The following C16orf78 variants were observed in gnomAD, a reference collection of about 807,000 sequenced individuals.
The protein encoded by C16orf78 is chromosome 16 open reading frame 78.
In C16orf78, 19 loss-of-function variants were observed where a neutral mutation model predicts 27.3. The ratio of observed to expected loss-of-function variants is 0.70; its 90% CI spans 0.49 to 1.02. C16orf78 has a LOEUF of 1.02. Ranked by LOEUF, C16orf78 falls within the 50% of genes least tolerant of loss-of-function variation. The probability of loss-of-function intolerance (pLI) is 0.00; values close to 1 mark genes in which losing one functional copy is unlikely to be tolerated. For missense variants in C16orf78, 339 were observed against 337.0 expected (o/e 1.01, Z -0.05); for synonymous variants, 130 against 116.1 (o/e 1.12, Z -0.77).
intron 4 of C16orf78, among the ~76,000 whole-genome samples, chr16:49,397,110 C>A (rs188650678): frequency 6.6e-6 from 1 of 152,260 alleles, no homozygotes; most frequent in Admixed American, 6.5e-5. Flanking sequence ...TTTAGACTGT[C>A]AAAGGGATCA....
chr16:49,375,114 G>A (rs973365751), intron 1 of C16orf78, among the ~76,000 whole-genome samples: 1 of 152,180 alleles, frequency 6.6e-6, no homozygotes, highest in Admixed American at 6.5e-5. Flanking sequence ...TAAGGAAAGT[G>A]AAAATAAGTC....
At chr16:49,392,980 T>G (rs981606732) in intron 3 of C16orf78, among the ~76,000 whole-genome samples, 8 of 152,206 alleles carry the variant, frequency 5.3e-5, no homozygotes, top group African/African-American at 1.4e-4. Context: ...GTTTTGTAAA[T>G]GGGAGTTCCC....
chr16:49,385,739 T>C (rs1965342824), intron 3 of C16orf78, among the ~76,000 whole-genome samples: 1 of 147,440 alleles, frequency 6.8e-6, no homozygotes, highest in African/African-American at 2.5e-5. Flanking sequence ...GGAAAATAAA[T>C]AAAAACATAC....
At chr16:49,397,553 G>T (rs1230534796) in intron 4 of C16orf78, among the ~76,000 whole-genome samples, 3 of 152,194 alleles carry the variant, frequency 2.0e-5, no homozygotes, top group African/African-American at 7.2e-5. Flanking sequence ...TTGCTGGCTG[G>T]TTCCATGGGT....
rs1965477723 is a variant in C16orf78, at chr16:49,396,582, C to T, written c.554C>T (p.Ala185Val). 1.2e-6 allele frequency: 2 copies of T among 1,614,194 alleles called. No homozygotes were observed. Among genetic ancestry groups the T allele is most frequent in the Non-Finnish European group, 1.7e-6 (2 of 1,180,040 alleles). The change falls in exon 4 of 5, where the codon GCT becomes GTT. Residue 185 changes from alanine to valine, a missense_variant. Coordinates refer to ENST00000299191, the MANE Select transcript of C16orf78 (RefSeq NM_144602.4). ...RDWSNKMPDM[A>V]YERKLKSLME... ...TGGTCCAACAAGATGCCTGACATGG[C>T]TTACGAACGCAAGCTAAAGAGCCTC...
At chr16:49,384,515 A>G (rs1464587316) in intron 3 of C16orf78, among the ~76,000 whole-genome samples, 3 of 152,162 alleles carry the variant, frequency 2.0e-5, no homozygotes, top group African/African-American at 4.8e-5. Flanking sequence ...GGAGTAAAAA[A>G]AAAAGGAATG....
intron 3 of C16orf78, among the ~76,000 whole-genome samples, chr16:49,388,777 G>A (rs948590754): frequency 1.3e-5 from 2 of 152,178 alleles, no homozygotes; most frequent in African/African-American, 4.8e-5. Flanking sequence ...GCCTTCCAAA[G>A]TGCTGGAATT....
rs529800222 is a variant in C16orf78 at position 49,382,418 on chromosome 16, A to AAAATAAAT, written c.394+3846_394+3853dup. Among the ~76,000 whole-genome samples the AAAATAAAT allele has an allele frequency of 7.7e-3, 1,169 of 151,526 alleles. 12 individuals are homozygous for AAAATAAAT. The highest frequency in any genetic ancestry group is 0.033 in the East Asian group (171 of 5,164). ...ACCCTAAAACTTAAAGTATAATAAT[A>AAAATAAAT]AAATAAATAAATAAATAAATAAATA... is the stretch of plus-strand genomic sequence containing the variant. On this transcript the variant is annotated intron_variant, in intron 3 of 4. Transcript: ENST00000299191.
intron 3 of C16orf78, among the ~76,000 whole-genome samples, chr16:49,383,580 T>G (rs544214473): frequency 1.4e-4 from 22 of 152,320 alleles, no homozygotes; most frequent in African/African-American, 4.3e-4. Context: ...TCTTCTCCAT[T>G]TCCACAACCA....
intron 2 of C16orf78, among the ~76,000 whole-genome samples, 173 bp downstream of exon 2, chr16:49,378,023 A>T (rs1256427706): frequency 6.6e-6 from 1 of 152,140 alleles, no homozygotes; most frequent in African/African-American, 2.4e-5. Flanking sequence ...TACCCTGTCC[A>T]GCCGTGCTAC....
intron 3 of C16orf78, among the ~76,000 whole-genome samples, chr16:49,381,065 G>A (rs1363991010): frequency 6.6e-6 from 1 of 151,968 alleles, no homozygotes; most frequent in Non-Finnish European, 1.5e-5. Flanking sequence ...GTCAGGTAGT[G>A]TGATGCCTCC....
rs11384900 is a variant in C16orf78 at position 49,394,479 on chromosome 16, C to CAA, written c.395-1936_395-1935dup. The stretch of plus-strand genomic sequence containing the variant: ...AAAATGTGATTATATCAGTTGATGG[C>CAA]AAAAAAAAAGCAATGAATAGAATCA... On this transcript the variant is annotated intron_variant, in intron 3 of 4. Coordinates refer to ENST00000299191, the MANE Select transcript of C16orf78 (RefSeq NM_144602.4). Among the ~76,000 whole-genome samples, 1,309 of 149,252 alleles carry CAA rather than the reference C, an allele frequency of 8.8e-3. 27 individuals are homozygous for CAA. Among genetic ancestry groups the CAA allele is most frequent in the African/African-American group, 0.03 (1,215 of 40,860 alleles).
intron 1 of C16orf78, 101 bp downstream of exon 1, chr16:49,374,190 G>A: frequency 7.0e-7 from 1 of 1,434,644 alleles, no homozygotes; most frequent in Non-Finnish European, 9.4e-7. Flanking sequence ...AAGGCGGGAT[G>A]GTTTTGAAGT....
chr16:49,399,404 C>A lies in C16orf78; in HGVS notation c.*126C>A. 2.6e-6 allele frequency: 3 copies of A among 1,173,968 alleles called. No individual in the cohort carries two copies. The highest frequency in any genetic ancestry group is 3.6e-6 in the Non-Finnish European group (3 of 836,652). 72.7% of individuals were successfully genotyped at this position (1,173,968 alleles called of 1,614,324 possible). On this transcript the variant is annotated 3_prime_UTR_variant, in exon 5 of 5. Coordinates refer to ENST00000299191, the MANE Select transcript of C16orf78 (RefSeq NM_144602.4). ...TGCATCCCTTTAGAAAGTAAGCAAT[C>A]AGAAAACAAGCCTCGGCTGTGTGAT...
chr16:49,378,626 A>T (rs1486672087), intron 3 of C16orf78, 33 bp downstream of exon 3: 1 of 1,612,540 alleles, frequency 6.2e-7, no homozygotes, highest in Admixed American at 1.7e-5. Context: ...GGCCACCAGA[A>T]TCCTGCTCCA....
chr16:49,374,670 T>C (rs1965193083), intron 1 of C16orf78, among the ~76,000 whole-genome samples: 1 of 152,262 alleles, frequency 6.6e-6, no homozygotes, highest in African/African-American at 2.4e-5. Flanking sequence ...CTCCTTGTGA[T>C]GCCTTCAGAA....
At chr16:49,384,978 C>A (rs1596925226) in intron 3 of C16orf78, among the ~76,000 whole-genome samples, 1 of 152,110 alleles carries the variant, frequency 6.6e-6, no homozygotes, top group African/African-American at 2.4e-5. Flanking sequence ...AAAGGACTTT[C>A]CCAAACAAAG....
chr16:49,383,276 A>G (rs934318564), intron 3 of C16orf78, among the ~76,000 whole-genome samples: 1 of 152,232 alleles, frequency 6.6e-6, no homozygotes, highest in African/African-American at 2.4e-5. Flanking sequence ...TAGACTGGCA[A>G]GAGGACTAAA....
intron 4 of C16orf78, among the ~76,000 whole-genome samples, chr16:49,397,670 G>A (rs556742082): frequency 1.3e-5 from 2 of 152,302 alleles, no homozygotes; most frequent in South Asian, 4.2e-4. Context: ...ATTTGGACAG[G>A]ACTCCTGCCC....
Sources: gnomAD v4.1 joint callset for allele counts (sites outside exome capture counted in the v4.1 genomes callset) on GRCh38, gnomAD v4.1.1 for gene constraint, MANE v1.5 for transcripts, NCBI Gene and HGNC (gene_info 2026-07-23, HGNC 2026-07-21) for gene names.